EPM2A: variants seen among roughly 807,000 people sequenced by gnomAD.
EPM2A encodes the protein EPM2A glucan phosphatase, laforin.
Under a neutral mutation model 26.5 loss-of-function variants are expected in EPM2A, and 21 were observed. The ratio of observed to expected loss-of-function variants is 0.79; its 90% CI spans 0.56 to 1.14. The LOEUF is 1.14. EPM2A is among the 50% of genes most tolerant of loss of function. The probability of loss-of-function intolerance (pLI) is 0.00; values close to 1 mark genes in which losing one functional copy is unlikely to be tolerated. For missense variants in EPM2A, 458 were observed against 440.8 expected, an observed-to-expected ratio of 1.04 and a Z score of -0.35; for synonymous variants, 217 against 177.6, an observed-to-expected ratio of 1.22 and a Z score of -1.76.
Position 145,627,025 on chromosome 6 carries a change from C to T in EPM2A, c.*391G>A, listed in dbSNP as rs1775858392. The T allele has an allele frequency of 7.0e-6, 8 of 1,140,628 alleles. No homozygotes were observed. In the South Asian group the frequency reaches 1.5e-4, roughly 21 times the overall value. The allele number at this position is 1,140,628 out of a possible 1,614,324, so 70.7% of individuals were successfully genotyped here. On this transcript the variant is annotated 3_prime_UTR_variant, in exon 4 of 4. Coordinates refer to ENST00000367519, the MANE Select transcript of EPM2A (RefSeq NM_005670.4). The stretch of plus-strand genomic sequence containing the variant: ...TACTAGTGATGAAATCCACATAACT[C>T]CATATCTTTTCCTCTACATGGCCAA...
rs552829657 is a variant in EPM2A, at chr6:145,460,781, T to G, written c.555+41741A>C. Among the ~76,000 whole-genome samples, 4 of 152,224 alleles carry G rather than the reference T, an allele frequency of 2.6e-5. No homozygotes were observed. In the South Asian group the frequency reaches 8.3e-4, roughly 32 times the overall value. On this transcript the variant is annotated intron_variant, in intron 4 of 4. Coordinates refer to the EPM2A transcript ENST00000638717. ...TAAGGGAAAACAGTATAAAATCAGC[T>G]AAAAATTTTAACTAAGAGAAGGAAT...
At chr6:145,726,717 C>A (rs1776224144) in intron 1 of EPM2A, among the ~76,000 whole-genome samples, 1 of 152,038 alleles carries the variant, frequency 6.6e-6, no homozygotes, top group African/African-American at 2.4e-5. Context: ...CTGCAAAATA[C>A]CTGATGAATA....
rs370270740 is a variant in EPM2A, at chr6:145,515,266, C to A, written c.341-12691G>T. On this transcript the variant is annotated intron_variant, in intron 2 of 3. Coordinates refer to the EPM2A transcript ENST00000450221. ...TTCTAGAGAGAAAGCAATGGTGATG[C>A]CTAAGATCAATTTTCTAGAACTGAA... 2.1e-4 allele frequency among the ~76,000 whole-genome samples: 32 copies of A among 152,216 alleles called. No individual in the cohort carries two copies. In the South Asian group the frequency reaches 6.0e-3, roughly 29 times the overall value.
intron 4 of EPM2A, among the ~76,000 whole-genome samples, chr6:145,487,247 G>A (rs1357003256): frequency 6.6e-6 from 1 of 152,102 alleles, no homozygotes; most frequent in African/African-American, 2.4e-5. Context: ...AACCTTGATG[G>A]GCATTTAGGT....
chr6:145,563,079 C>T (rs548660574), intron 2 of EPM2A, among the ~76,000 whole-genome samples: 8 of 151,798 alleles, frequency 5.3e-5, no homozygotes, highest in South Asian at 2.1e-4. Flanking sequence ...TGATCTGAAA[C>T]GGCTTGAGAA....
intron 2 of EPM2A, among the ~76,000 whole-genome samples, chr6:145,506,191 G>T (rs1779971454): frequency 6.6e-6 from 1 of 152,216 alleles, no homozygotes; most frequent in African/African-American, 2.4e-5. Context: ...TGTTATAGCA[G>T]AATATGGTGT....
chr6:145,531,392 G>C (rs1442107552), intron 2 of EPM2A, among the ~76,000 whole-genome samples: 3 of 152,082 alleles, frequency 2.0e-5, no homozygotes. Flanking sequence ...GGGGATTATG[G>C]GTAAAGACCC....
chr6:145,657,079 G>A (rs950777757), intron 2 of EPM2A, among the ~76,000 whole-genome samples: 13 of 142,720 alleles, frequency 9.1e-5, no homozygotes, highest in African/African-American at 2.3e-4. Flanking sequence ...AAATAAGCCC[G>A]TCATTTTTCC....
At chr6:145,424,206 G>A (rs1307258096) in intron 4 of EPM2A, among the ~76,000 whole-genome samples, 1 of 152,090 alleles carries the variant, frequency 6.6e-6, no homozygotes, top group Non-Finnish European at 1.5e-5. Flanking sequence ...CAACCCTGCA[G>A]GACAATAAAC....
intron 2 of EPM2A, among the ~76,000 whole-genome samples, chr6:145,567,200 A>G (rs931190483): frequency 6.6e-6 from 1 of 152,202 alleles, no homozygotes; most frequent in African/African-American, 2.4e-5. Flanking sequence ...GGATGGATCA[A>G]TACTTTTTTT....
intron 4 of EPM2A, among the ~76,000 whole-genome samples, chr6:145,391,346 A>G (rs1350361284): frequency 6.6e-6 from 1 of 152,092 alleles, no homozygotes; most frequent in Non-Finnish European, 1.5e-5. Context: ...GAGACCACCG[A>G]CCATGGAATA....
chr6:145,546,043 T>A (rs779102823), intron 2 of EPM2A, among the ~76,000 whole-genome samples: 3 of 152,260 alleles, frequency 2.0e-5, no homozygotes, highest in Non-Finnish European at 2.9e-5. Context: ...GATATGTAGA[T>A]GTATATGAGA....
intron 4 of EPM2A, among the ~76,000 whole-genome samples, chr6:145,466,126 A>G (rs1179249564): frequency 6.6e-6 from 1 of 152,066 alleles, no homozygotes; most frequent in African/African-American, 2.4e-5. Context: ...ACAAAAGCCA[A>G]AATTGACAAA....
intron 2 of EPM2A, among the ~76,000 whole-genome samples, chr6:145,609,010 A>T (rs1024754203): frequency 6.6e-6 from 1 of 152,238 alleles, no homozygotes; most frequent in East Asian, 1.9e-4. Flanking sequence ...GTATTTGGCT[A>T]AGACATCATC....
intron 1 of EPM2A, among the ~76,000 whole-genome samples, chr6:145,726,928 C>T (rs965305385): frequency 1.8e-4 from 27 of 152,186 alleles, no homozygotes; most frequent in Middle Eastern, 3.4e-3. Context: ...TCACAAGTGT[C>T]ATACTAATAT....
At position 145,644,399 on chromosome 6, in the gene EPM2A, T is replaced by C. The variant is rs185820726; in HGVS notation, c.477-8913A>G. ...CCTTTTCTACTATTTACAGTGCTCA[T>C]TGACCTCCTGATAGAAGCCTAAAAT... On this transcript the variant is annotated intron_variant, in intron 2 of 3. Transcript: ENST00000367519. 2.3e-3 allele frequency among the ~76,000 whole-genome samples: 349 copies of C among 152,334 alleles called. 1 individual carries two copies. Among genetic ancestry groups the C allele is most frequent in the African/African-American group, 7.8e-3 (325 of 41,578 alleles).
intron 4 of EPM2A, among the ~76,000 whole-genome samples, chr6:145,416,264 T>TTTTA (rs61647987): frequency 6.6e-6 from 1 of 151,654 alleles, no homozygotes; most frequent in African/African-American, 2.4e-5. Context: ...TTTTTTTTTT[T>TTTTA]AATGCAGATT....
intron 2 of EPM2A, among the ~76,000 whole-genome samples, chr6:145,683,311 GTGTA>G (rs1391482662): frequency 3.4e-5 from 5 of 148,212 alleles, no homozygotes; most frequent in East Asian, 2.3e-4. Flanking sequence ...GTGTGTGAGT[GTGTA>G]TATATTAGAT....
At chr6:145,433,199 T>A (rs1030917421) in intron 4 of EPM2A, among the ~76,000 whole-genome samples, 2 of 152,220 alleles carry the variant, frequency 1.3e-5, no homozygotes, top group African/African-American at 2.4e-5. Flanking sequence ...TATTTTTGCA[T>A]TCTTGTCTTA....
Sources: allele counts gnomAD v4.1 joint callset (sites outside exome capture counted in the v4.1 genomes callset), GRCh38; gene constraint gnomAD v4.1.1; transcripts MANE v1.5; gene names NCBI Gene and HGNC (gene_info 2026-07-23, HGNC 2026-07-21).